The following KCNQ1OT1 variants were observed in gnomAD, a reference collection of about 807,000 sequenced individuals.
KCNQ1OT1 encodes the protein KCNQ1 antisense RNA 2 (non-protein coding).
At position 2,661,768 on chromosome 11, in the gene KCNQ1OT1, G is replaced by T. The variant is rs1590014641; in HGVS notation, n.38227C>A. The stretch of plus-strand genomic sequence containing the variant: ...GCCTTTATTCTCCTCAGACACTGAG[G>T]TGTCAGGCACTTTGGGGCCATCTTA... On this transcript the variant is annotated non_coding_transcript_exon_variant, in exon 1 of 1. Transcript: ENST00000597346. This position sits in a 1 kb window ranked among gnomAD's most constrained non-coding sequence, Gnocchi z 5.9. The T allele has an allele frequency of 4.6e-6, 3 of 655,190 alleles. No homozygotes were observed. The highest frequency in any genetic ancestry group is 5.4e-5 in the East Asian group (2 of 36,838). The allele number at this position is 655,190 out of a possible 1,614,324, so 40.6% of individuals were successfully genotyped here. A position where few individuals can be genotyped will look rare whatever the true frequency, so the allele number is the denominator to read the frequency against.
At chr11:2,681,691 C>T (rs1000358060) in exon 1 of KCNQ1OT1, 8 of 397,586 alleles carry the variant, frequency 2.0e-5, no homozygotes, top group African/African-American at 1.0e-4. Context: ...ACCAGGCTGC[C>T]GTTGCTTCCC....
At position 2,674,347 on chromosome 11, in the gene KCNQ1OT1, T is replaced by C. The variant is rs1850248629; in HGVS notation, n.25648A>G. 1 of 398,240 alleles carries C rather than the reference T, an allele frequency of 2.5e-6. No homozygotes were observed. The highest frequency in any genetic ancestry group is 2.1e-5 in the African/African-American group (1 of 48,602). 24.7% of individuals were successfully genotyped at this position (398,240 alleles called of 1,614,324 possible). A position where few individuals can be genotyped will look rare whatever the true frequency, so the allele number is the denominator to read the frequency against. On this transcript the variant is annotated non_coding_transcript_exon_variant, in exon 1 of 1. Coordinates refer to ENST00000597346, the Ensembl canonical transcript of KCNQ1OT1. This position sits in a 1 kb window ranked among gnomAD's most constrained non-coding sequence, Gnocchi z 5.9. ...ACACCCTCTGGAAATCTGAATTCCA[T>C]TCGCTCTTGGCAAAGAGCAGCTTCC... is the stretch of plus-strand genomic sequence containing the variant.
Position 2,652,534 on chromosome 11 carries a change from G to A in KCNQ1OT1, n.47461C>T, listed in dbSNP as rs1331686030. 7.5e-6 allele frequency: 3 copies of A among 398,602 alleles called. No individual in the cohort carries two copies. The highest frequency in any genetic ancestry group is 2.1e-5 in the African/African-American group (1 of 48,754). 24.7% of individuals were successfully genotyped at this position (398,602 alleles called of 1,614,324 possible). Reference sequence around the variant, plus strand: ...TCCTGTGAGCTCAACTCTTGGAGAAGATAGTGCTTAACCCAGATTCCATTG... The same window carrying A: ...TCCTGTGAGCTCAACTCTTGGAGAAAATAGTGCTTAACCCAGATTCCATTG... On this transcript the variant is annotated non_coding_transcript_exon_variant, in exon 1 of 1. Coordinates refer to ENST00000597346, the Ensembl canonical transcript of KCNQ1OT1. The surrounding 1 kb of genome is among the most constrained non-coding windows in gnomAD (Gnocchi z 5.9).
rs1849658319 is a variant in KCNQ1OT1 at position 2,645,893 on chromosome 11, G to A, written n.54102C>T. ...TTCAGGGTGATCTCCCTCTCTGGGAGCTGTTCATTGCCATTTCACAGTCTG... is the reference window on the plus strand; with the variant it reads ...TTCAGGGTGATCTCCCTCTCTGGGAACTGTTCATTGCCATTTCACAGTCTG... On this transcript the variant is annotated non_coding_transcript_exon_variant, in exon 1 of 1. Transcript: ENST00000597346. This position sits in a 1 kb window ranked among gnomAD's most constrained non-coding sequence, Gnocchi z 5.8. The A allele has an allele frequency of 2.5e-6, 1 of 398,510 alleles. No homozygotes were observed. Among genetic ancestry groups the A allele is most frequent in the Non-Finnish European group, 4.4e-6 (1 of 226,086 alleles). The allele number at this position is 398,510 out of a possible 1,614,324, so 24.7% of individuals were successfully genotyped here. A position where few individuals can be genotyped will look rare whatever the true frequency, so the allele number is the denominator to read the frequency against.
In KCNQ1OT1 at chr11:2,621,396, G is replaced by GT. The variant is rs1849169979; in HGVS notation, n.78598dup. 7.5e-6 allele frequency: 3 copies of GT among 398,568 alleles called. No individual in the cohort carries two copies. The East Asian group carries it at 1.1e-4, about 14-fold the overall frequency. 24.7% of individuals were successfully genotyped at this position (398,568 alleles called of 1,614,324 possible). ...CTTTGCCAATTCAATTGGATTATTC[G>GT]TTTTTTGCTTGTTGATTGGTTTAAG... On this transcript the variant is annotated non_coding_transcript_exon_variant, in exon 1 of 1. Coordinates refer to ENST00000597346, the Ensembl canonical transcript of KCNQ1OT1. The surrounding 1 kb of genome is among the most constrained non-coding windows in gnomAD (Gnocchi z 5.7).
At chr11:2,610,569 C>A (rs1257621522) in exon 1 of KCNQ1OT1, 1 of 398,318 alleles carries the variant, frequency 2.5e-6, no homozygotes, top group East Asian at 3.6e-5. Flanking sequence ...TTCCTGGGAG[C>A]ACTTCCTTTT....
At chr11:2,689,864 C>T (rs767447837) in exon 1 of KCNQ1OT1, 1 of 398,720 alleles carries the variant, frequency 2.5e-6, no homozygotes, top group Non-Finnish European at 4.4e-6. Context: ...AGCACCCACC[C>T]CTGCCTATCC....
chr11:2,619,551 G>A (rs1849128602), exon 1 of KCNQ1OT1: 3 of 398,462 alleles, frequency 7.5e-6, no homozygotes, highest in Non-Finnish European at 1.3e-5. Context: ...TTGATGTATT[G>A]TTAAATTTAG....
rs1017949410 is a variant in KCNQ1OT1 at position 2,620,260 on chromosome 11, A to G, written n.79735T>C. The G allele has an allele frequency of 1.3e-5, 3 of 225,536 alleles. No individual in the cohort carries two copies. The Admixed American group carries it at 1.7e-4, about 13-fold the overall frequency. The allele number at this position is 225,536 out of a possible 1,614,324, so 14.0% of individuals were successfully genotyped here. A position where few individuals can be genotyped will look rare whatever the true frequency, so the allele number is the denominator to read the frequency against. On this transcript the variant is annotated non_coding_transcript_exon_variant, in exon 1 of 1. Coordinates refer to ENST00000597346, the Ensembl canonical transcript of KCNQ1OT1. This position sits in a 1 kb window ranked among gnomAD's most constrained non-coding sequence, Gnocchi z 4.5. ...AGACGGAGTTTCGCTCTTGTTGCCC[A>G]GGCTGGAGGGCAATGGCATGATCTC...
exon 1 of KCNQ1OT1, chr11:2,688,155 C>T: frequency 2.5e-6 from 1 of 398,824 alleles, no homozygotes. Context: ...CCACGCAGCT[C>T]CCTAGGCCTC....
chr11:2,644,979 G>A, exon 1 of KCNQ1OT1: 1 of 398,682 alleles, frequency 2.5e-6, no homozygotes, highest in Non-Finnish European at 4.4e-6. Context: ...CCCAATGGTA[G>A]TGTATGCTGG....
exon 1 of KCNQ1OT1, chr11:2,618,271 A>C: frequency 2.5e-6 from 1 of 398,630 alleles, no homozygotes; most frequent in Non-Finnish European, 4.4e-6. Context: ...CTTAGGCCAC[A>C]CATAAAATAC....
In KCNQ1OT1 at chr11:2,669,790, C is replaced by A. The variant is rs1178672872; in HGVS notation, n.30205G>T. 2.3e-5 allele frequency: 9 copies of A among 398,494 alleles called. No homozygotes were observed. The highest frequency in any genetic ancestry group is 4.4e-6 in the Non-Finnish European group (1 of 226,076). 24.7% of individuals were successfully genotyped at this position (398,494 alleles called of 1,614,324 possible). A position where few individuals can be genotyped will look rare whatever the true frequency, so the allele number is the denominator to read the frequency against. On this transcript the variant is annotated non_coding_transcript_exon_variant, in exon 1 of 1. Coordinates refer to ENST00000597346, the Ensembl canonical transcript of KCNQ1OT1. The surrounding 1 kb of genome is among the most constrained non-coding windows in gnomAD (Gnocchi z 5.6). ...TGATGGGAGATCCTGTGGGGACATT[C>A]CTTATTTGGCCTGAGAGCTTTTGAG...
chr11:2,629,333 T>C (rs1210609267), exon 1 of KCNQ1OT1: 3 of 398,322 alleles, frequency 7.5e-6, no homozygotes, highest in Non-Finnish European at 1.3e-5. Flanking sequence ...GCCTAAATGT[T>C]ATGCAGTCCA....
exon 1 of KCNQ1OT1, chr11:2,648,077 G>C: frequency 2.5e-6 from 1 of 397,286 alleles, no homozygotes; most frequent in East Asian, 3.6e-5. Context: ...AATTAGCGAG[G>C]TGTGGTGCTG....
rs1429748994 is a variant in KCNQ1OT1, at chr11:2,627,729, G to T, written n.72266C>A. The T allele has an allele frequency of 2.5e-6, 1 of 397,996 alleles. No homozygotes were observed. The highest frequency in any genetic ancestry group is 2.1e-5 in the African/African-American group (1 of 48,442). The allele number at this position is 397,996 out of a possible 1,614,324, so 24.7% of individuals were successfully genotyped here. ...ATGTGATGTGTTTATTTGGGAATTTGGTGATACACACACACACACTATTTT... is the reference window on the plus strand; with the variant it reads ...ATGTGATGTGTTTATTTGGGAATTTTGTGATACACACACACACACTATTTT... On this transcript the variant is annotated non_coding_transcript_exon_variant, in exon 1 of 1. Transcript: ENST00000597346. The surrounding 1 kb of genome is among the most constrained non-coding windows in gnomAD (Gnocchi z 4.9).
chr11:2,668,227 G>T lies in KCNQ1OT1; in HGVS notation n.31768C>A. On this transcript the variant is annotated non_coding_transcript_exon_variant, in exon 1 of 1. Transcript: ENST00000597346. This position sits in a 1 kb window ranked among gnomAD's most constrained non-coding sequence, Gnocchi z 4.3. ...ATCATTCATCCATTCTACCACCTGT[G>T]GCCAGCAGGCAGTTTCTGGTGTAGG... The T allele has an allele frequency of 2.5e-6, 1 of 398,576 alleles. No homozygotes were observed. Among genetic ancestry groups the T allele is most frequent in the East Asian group, 3.6e-5 (1 of 28,082 alleles). The allele number at this position is 398,576 out of a possible 1,614,324, so 24.7% of individuals were successfully genotyped here. A position where few individuals can be genotyped will look rare whatever the true frequency, so the allele number is the denominator to read the frequency against.
At chr11:2,633,737 G>A (rs933314488) in exon 1 of KCNQ1OT1, 17 of 398,276 alleles carry the variant, frequency 4.3e-5, no homozygotes, top group Non-Finnish European at 4.4e-5. Context: ...TCTGTTTTAT[G>A]CCCATTGCAT....
chr11:2,659,923 A>G lies in KCNQ1OT1; in HGVS notation n.40072T>C, dbSNP rs1429657643. 7.5e-6 allele frequency: 3 copies of G among 398,354 alleles called. No homozygotes were observed. The highest frequency in any genetic ancestry group is 3.6e-5 in the East Asian group (1 of 28,016). The allele number at this position is 398,354 out of a possible 1,614,324, so 24.7% of individuals were successfully genotyped here. ...TATTGTCAAGTTGTAAGCATTCTTT[A>G]TATATTCTGAGTGCAAGTCCTTGAC... On this transcript the variant is annotated non_coding_transcript_exon_variant, in exon 1 of 1. Transcript: ENST00000597346. This position sits in a 1 kb window ranked among gnomAD's most constrained non-coding sequence, Gnocchi z 4.3.
Sources: gnomAD v4.1 joint callset for allele counts on GRCh38, gnomAD v4.1.1 for gene constraint, Gnocchi (gnomAD v3.1) non-coding constraint, MANE v1.5 for transcripts, NCBI Gene and HGNC (gene_info 2026-07-23, HGNC 2026-07-21) for gene names.